The following MAGI2 variants were observed in gnomAD, a reference collection of about 807,000 sequenced individuals.
MAGI2 encodes the protein membrane-associated guanylate kinase, WW and PDZ domain-containing protein 2.
MAGI2 carries 35 observed loss-of-function variants against 133.3 expected under a neutral mutation model. The ratio of observed to expected loss-of-function variants is 0.26; its 90% confidence interval spans 0.20 to 0.35. MAGI2 has a LOEUF of 0.35. MAGI2 is among the 10% of genes least tolerant of loss of function. MAGI2 has a pLI of 1.00. For synonymous variants in MAGI2, 729 were observed against 710.6 expected, an observed-to-expected ratio of 1.03 and a Z score of -0.41; for missense variants, 1,636 against 1,863.4, an observed-to-expected ratio of 0.88 and a Z score of 2.25.
At chr7:78,690,094 T>G (rs188019867) in intron 2 of MAGI2, among the ~76,000 whole-genome samples, 1 of 152,324 alleles carries the variant, frequency 6.6e-6, no homozygotes, top group Admixed American at 6.5e-5. Flanking sequence ...TTTAGACCAT[T>G]TTCTTAGAAA....
chr7:79,342,719 T>G (rs1376564442), intron 1 of MAGI2, among the ~76,000 whole-genome samples: 1 of 151,692 alleles, frequency 6.6e-6, no homozygotes, highest in Non-Finnish European at 1.5e-5. Context: ...CTAATTATTA[T>G]GAGGAAGCAC....
chr7:78,990,666 C>T (rs1805669480), intron 2 of MAGI2, among the ~76,000 whole-genome samples: 1 of 151,860 alleles, frequency 6.6e-6, no homozygotes, highest in Non-Finnish European at 1.5e-5. Flanking sequence ...GGGCTTTAAA[C>T]ATTTATTTTG....
In MAGI2 at chr7:79,187,373, C is replaced by T. The variant is rs547110446; in HGVS notation, c.302-180167G>A. ...TATGATAAAACTATCTCAGGTAGAA[C>T]GATTAAGAAATCTGACCAATCTGTA... is the stretch of plus-strand genomic sequence containing the variant. On this transcript the variant is annotated intron_variant, in intron 1 of 21. Coordinates refer to ENST00000354212, the MANE Select transcript of MAGI2 (RefSeq NM_012301.4). Among the ~76,000 whole-genome samples, 7 of 151,712 alleles carry T rather than the reference C, an allele frequency of 4.6e-5. No homozygotes were observed. In the South Asian group the frequency reaches 1.5e-3, roughly 32 times the overall value.
At chr7:78,767,456 A>C (rs567868578) in intron 2 of MAGI2, among the ~76,000 whole-genome samples, 48 of 151,604 alleles carry the variant, frequency 3.2e-4, no homozygotes, top group African/African-American at 1.1e-3. Context: ...GATTGCAGAC[A>C]GTAGAAGAAA....
chr7:78,804,742 C>A (rs1788380024), intron 2 of MAGI2, among the ~76,000 whole-genome samples: 1 of 37,538 alleles, frequency 2.7e-5, no homozygotes, highest in African/African-American at 1.3e-4. Context: ...GAGCGAGACT[C>A]TGTCTCAAAA....
chr7:78,521,760 A>T (rs1796524547), intron 3 of MAGI2, 115 bp from the exon 4 acceptor site: 2 of 730,940 alleles, frequency 2.7e-6, no homozygotes, highest in Non-Finnish European at 4.7e-6. Context: ...ATGTACATAC[A>T]TAGACACATA....
intron 3 of MAGI2, among the ~76,000 whole-genome samples, chr7:78,546,793 A>G (rs952390211): frequency 5.9e-5 from 9 of 152,196 alleles, no homozygotes; most frequent in African/African-American, 1.7e-4. Flanking sequence ...TAGCTATGTA[A>G]GTTGAAGCAT....
At position 78,633,705 on chromosome 7, in the gene MAGI2, C is replaced by CAAA. The variant is rs36102006; in HGVS notation, c.419-6469_419-6467dup. On this transcript the variant is annotated intron_variant, in intron 2 of 21. Coordinates refer to ENST00000354212, the MANE Select transcript of MAGI2 (RefSeq NM_012301.4). ...TGGGCGTCAGAGCGAGACTCCGTCT[C>CAAA]AAAAAAAAAAAAAAAAAAAAAGTGA... is the stretch of plus-strand genomic sequence containing the variant. 1.7e-3 allele frequency among the ~76,000 whole-genome samples: 136 copies of CAAA among 80,654 alleles called. 1 individual carries two copies. The highest frequency in any genetic ancestry group is 2.4e-3 in the Admixed American group (17 of 7,056). The allele number at this position is 80,654 out of a possible 152,430, so 52.9% of individuals were successfully genotyped here.
chr7:78,944,852 TCA>T (rs1801285448), intron 2 of MAGI2, among the ~76,000 whole-genome samples: 2 of 151,926 alleles, frequency 1.3e-5, no homozygotes, highest in Non-Finnish European at 2.9e-5. Context: ...TCCCCCCACC[TCA>T]GCCTCTGGAG....
intron 1 of MAGI2, among the ~76,000 whole-genome samples, chr7:79,312,183 G>A (rs1478192655): frequency 6.6e-6 from 1 of 152,112 alleles, no homozygotes; most frequent in Non-Finnish European, 1.5e-5. Context: ...AAGTCAAGTC[G>A]AAGCATGTCA....
chr7:78,965,862 C>T (rs556035631), intron 2 of MAGI2, among the ~76,000 whole-genome samples: 10 of 152,164 alleles, frequency 6.6e-5, no homozygotes, highest in Middle Eastern at 6.8e-3. Flanking sequence ...TCTTCCAGGT[C>T]ATGACATTTC....
At chr7:78,305,953 C>T (rs1392923744) in intron 9 of MAGI2, among the ~76,000 whole-genome samples, 1 of 152,174 alleles carries the variant, frequency 6.6e-6, no homozygotes, top group African/African-American at 2.4e-5. Context: ...ACACCCTTCA[C>T]CTTAAATAAC....
chr7:78,936,572 A>G (rs958063180), intron 2 of MAGI2, among the ~76,000 whole-genome samples: 1 of 152,064 alleles, frequency 6.6e-6, no homozygotes, highest in African/African-American at 2.4e-5. Context: ...ACAAAACCTG[A>G]AAAGAATAAC....
chr7:78,359,808 A>G (rs1424636959), intron 7 of MAGI2, among the ~76,000 whole-genome samples: 2 of 152,210 alleles, frequency 1.3e-5, no homozygotes, highest in African/African-American at 4.8e-5. Flanking sequence ...AAAAGGCCAA[A>G]TTTATTCTTG....
intron 2 of MAGI2, among the ~76,000 whole-genome samples, chr7:78,813,852 G>T (rs1583996592): frequency 1.3e-5 from 2 of 150,248 alleles, no homozygotes; most frequent in Non-Finnish European, 3.0e-5. Flanking sequence ...GGAATAGAAG[G>T]AATAGAAAGT....
intron 20 of MAGI2, among the ~76,000 whole-genome samples, chr7:78,111,117 G>A (rs947485508): frequency 8.5e-5 from 13 of 152,248 alleles, no homozygotes; most frequent in Non-Finnish European, 1.6e-4. Context: ...GCAAATTTGC[G>A]TAAACACTGC....
At chr7:79,289,687 G>A (rs1276879747) in intron 1 of MAGI2, among the ~76,000 whole-genome samples, 1 of 152,048 alleles carries the variant, frequency 6.6e-6, no homozygotes, top group Non-Finnish European at 1.5e-5. Flanking sequence ...CTAGGGCAGG[G>A]AGCTCATCCA....
At chr7:79,021,675 A>G (rs1330891887) in intron 1 of MAGI2, among the ~76,000 whole-genome samples, 1 of 152,176 alleles carries the variant, frequency 6.6e-6, no homozygotes, top group Non-Finnish European at 1.5e-5. Flanking sequence ...ACAGGCTCAT[A>G]GGTGGAAGGG....
chr7:79,168,369 A>C (rs954450520), intron 1 of MAGI2, among the ~76,000 whole-genome samples: 14 of 152,068 alleles, frequency 9.2e-5, no homozygotes, highest in Non-Finnish European at 2.1e-4. Context: ...TAAATTGTGA[A>C]TATCATGTCA....
Sources: allele counts gnomAD v4.1 joint callset (sites outside exome capture counted in the v4.1 genomes callset), GRCh38; gene constraint gnomAD v4.1.1; transcripts MANE v1.5; gene names NCBI Gene and HGNC (gene_info 2026-07-23, HGNC 2026-07-21).